Variants in SERPING1 observed in about 807,000 individuals in gnomAD.
The protein encoded by SERPING1 is serpin family G member 1.
SERPING1 carries 5 observed loss-of-function variants against 34.1 expected under a neutral mutation model. The observed-to-expected ratio is 0.15, with a 90% CI of 0.08 to 0.31. The LOEUF is 0.31. SERPING1 is among the 10% of genes least tolerant of loss of function. SERPING1 has a pLI of 1.00. For missense variants in SERPING1, 505 were observed against 609.5 expected, an observed-to-expected ratio of 0.83 and a Z score of 1.81; for synonymous variants, 225 against 242.4, an observed-to-expected ratio of 0.93 and a Z score of 0.67.
chr11:57,599,850 A>T, intron 2 of SERPING1, 29 bp from the exon 3 acceptor site: 1 of 1,614,176 alleles, frequency 6.2e-7, no homozygotes, highest in Middle Eastern at 1.6e-4. Flanking sequence ...TAGTAAGAAA[A>T]AAATGAAACT....
chr11:57,599,448 G>C (rs1323651218), intron 2 of SERPING1, among the ~76,000 whole-genome samples: 1 of 152,048 alleles, frequency 6.6e-6, no homozygotes, highest in Non-Finnish European at 1.5e-5. Context: ...GCAACCCACA[G>C]TTTAAAAATT....
rs1427729690 is a variant in SERPING1 at position 57,598,325 on chromosome 11, T to C, written c.51+4T>C. The C allele has an allele frequency of 1.9e-6, 3 of 1,558,402 alleles. No individual in the cohort carries two copies. The highest frequency in any genetic ancestry group is 1.9e-5 in the Admixed American group (1 of 52,504). On this transcript the variant is annotated splice_donor_region_variant and intron_variant, in intron 2 of 7. Coordinates refer to ENST00000278407, the MANE Select transcript of SERPING1 (RefSeq NM_000062.3). ...CCTGCTGCTGCTGCTGGCTGGGGTA[T>C]GTGGTCCCTTGTGGGATGGGGGACG...
At chr11:57,608,520 G>A (rs1194710011) in intron 6 of SERPING1, among the ~76,000 whole-genome samples, 1 of 152,034 alleles carries the variant, frequency 6.6e-6, no homozygotes, top group African/African-American at 2.4e-5. Context: ...TTGTTTGTTT[G>A]TTTTTCTTTT....
intron 7 of SERPING1, among the ~76,000 whole-genome samples, chr11:57,612,792 T>G (rs971420118): frequency 6.6e-6 from 1 of 152,050 alleles, no homozygotes; most frequent in African/African-American, 2.4e-5. Flanking sequence ...TCACCCAGGC[T>G]GGAGCGCAGT....
rs11229070 is a variant in SERPING1, at chr11:57,611,905, C to T, written c.1218C>T (p.Ser406=). The part of the protein sequence containing the change: ...LTLPRIKVTT[S]QDMLSIMEKL... ...TACCCCGCATCAAAGTGACGACCAG[C>T]CAGGATATGCTCTCAATCATGGAGA... Residue 406 remains serine (S), a synonymous_variant, in exon 7 of 8, where the codon AGC becomes AGT. Transcript: ENST00000278407. 2.3e-3 allele frequency: 3,679 copies of T among 1,614,110 alleles called. 62 individuals are homozygous for T. In the African/African-American group the frequency reaches 0.043, roughly 19 times the overall value.
chr11:57,609,005 G>T (rs920812378), intron 6 of SERPING1, among the ~76,000 whole-genome samples: 1 of 152,046 alleles, frequency 6.6e-6, no homozygotes, highest in African/African-American at 2.4e-5. Flanking sequence ...TTGGCTGGGC[G>T]CAGTGGCTCA....
chr11:57,604,481 CA>C (rs1258910343), intron 4 of SERPING1, among the ~76,000 whole-genome samples: 2 of 151,828 alleles, frequency 1.3e-5, no homozygotes, highest in Admixed American at 6.6e-5. Flanking sequence ...GGGAAGGGTT[CA>C]CCACTTCCTG....
Position 57,600,084 on chromosome 11 carries a change from C to T in SERPING1, c.257C>T (p.Pro86Leu), listed in dbSNP as rs1222637066. ...ATAACAGCTAATACCACTGATGAACCCACCACACAACCCACCACAGAGCCC... is the reference window on the plus strand; with the variant it reads ...ATAACAGCTAATACCACTGATGAACTCACCACACAACCCACCACAGAGCCC... ...TKITANTTDE[P>L]TTQPTTEPTT... Residue 86 changes from proline (P) to leucine (L), a missense_variant, in exon 3 of 8, where the codon CCC (proline) becomes CTC (leucine). Physicochemically the swap from Pro to Leu is moderately conservative, Grantham distance 98. Transcript: ENST00000278407. 6.2e-7 allele frequency: 1 copy of T among 1,613,588 alleles called. No homozygotes were observed. The highest frequency in any genetic ancestry group is 2.2e-5 in the East Asian group (1 of 44,858).
In SERPING1 at chr11:57,614,350, C is replaced by T; in HGVS notation, c.1272C>T (p.Asp424=). 6.2e-7 allele frequency: 1 copy of T among 1,613,984 alleles called. No homozygotes were observed. The highest frequency in any genetic ancestry group is 8.5e-7 in the Non-Finnish European group (1 of 1,180,036). The change falls in exon 8 of 8, where the codon GAC becomes GAT. Residue 424 remains aspartate (D), a synonymous_variant. Transcript: ENST00000278407. ...TAGAATTCTTCGATTTTTCTTATGACCTTAACCTGTGTGGGCTGACAGAGG... is the reference window on the plus strand; with the variant it reads ...TAGAATTCTTCGATTTTTCTTATGATCTTAACCTGTGTGGGCTGACAGAGG... ...EKLEFFDFSY[D]LNLCGLTEDP...
rs368209658 is a variant in SERPING1 at position 57,600,090 on chromosome 11, C to G, written c.263C>G (p.Thr88Arg). 1 of 1,613,602 alleles carries G rather than the reference C, an allele frequency of 6.2e-7. No homozygotes were observed. Among genetic ancestry groups the G allele is most frequent in the African/African-American group, 1.3e-5 (1 of 74,898 alleles). Residue 88 changes from threonine to arginine, a missense_variant, in exon 3 of 8, where the codon ACA becomes AGA. By Grantham distance (71) the Thr-to-Arg change is moderately conservative. Transcript: ENST00000278407. ...GCTAATACCACTGATGAACCCACCACACAACCCACCACAGAGCCCACCACC... is the reference window on the plus strand; with the variant it reads ...GCTAATACCACTGATGAACCCACCAGACAACCCACCACAGAGCCCACCACC... ...ITANTTDEPT[T>R]QPTTEPTTQP...
chr11:57,607,683 A>G (rs1355726420), intron 6 of SERPING1, among the ~76,000 whole-genome samples: 1 of 152,150 alleles, frequency 6.6e-6, no homozygotes, highest in Non-Finnish European at 1.5e-5. Flanking sequence ...TTTTCGAGAC[A>G]GGGTCTCACT....
At chr11:57,606,857 ACT>A in intron 6 of SERPING1, 1 of 608,746 alleles carries the variant, frequency 1.6e-6, no homozygotes. Flanking sequence ...TCATCAGAAG[ACT>A]CTGGTGGCTT....
chr11:57,598,143 T>C (rs1945307871), intron 1 of SERPING1, 106 bp from the exon 2 acceptor site: 1 of 811,332 alleles, frequency 1.2e-6, no homozygotes, highest in Non-Finnish European at 1.9e-6. Flanking sequence ...GGGAATTCGC[T>C]AAGAGGGACT....
intron 6 of SERPING1, among the ~76,000 whole-genome samples, chr11:57,610,865 C>T (rs1945469662): frequency 6.6e-6 from 1 of 152,184 alleles, no homozygotes; most frequent in African/African-American, 2.4e-5. Flanking sequence ...GTTGACAACC[C>T]CTGTATTAAA....
At chr11:57,611,646 T>C (rs1945476983) in intron 6 of SERPING1, 71 bp from the exon 7 acceptor site, 5 of 1,379,146 alleles carry the variant, frequency 3.6e-6, no homozygotes, top group Non-Finnish European at 5.2e-6. Context: ...CAGGACAGCA[T>C]TGTGACAGAG....
At chr11:57,614,215 A>G (rs772857710) in intron 7 of SERPING1, 113 bp from the exon 8 acceptor site, 26 of 1,351,568 alleles carry the variant, frequency 1.9e-5, no homozygotes, top group Non-Finnish European at 2.5e-5. Flanking sequence ...ACAAGGGAAG[A>G]GGAAGAGAGC....
Position 57,614,700 on chromosome 11 carries a change from C to A in SERPING1, c.*119C>A. On this transcript the variant is annotated 3_prime_UTR_variant, in exon 8 of 8. Coordinates refer to ENST00000278407, the MANE Select transcript of SERPING1 (RefSeq NM_000062.3). ...ACCTCCTGCCTCAGGTGTCCGCTAT[C>A]CACCAAAAGGGCTCCCTGAGGGTCT... The A allele has an allele frequency of 8.1e-7, 1 of 1,227,964 alleles. No individual in the cohort carries two copies. Among genetic ancestry groups the A allele is most frequent in the Non-Finnish European group, 1.1e-6 (1 of 882,300 alleles). 76.1% of individuals were successfully genotyped at this position (1,227,964 alleles called of 1,614,324 possible).
intron 6 of SERPING1, 23 bp downstream of exon 6, chr11:57,606,570 T>C (rs1945412664): frequency 6.2e-7 from 1 of 1,613,554 alleles, no homozygotes; most frequent in African/African-American, 1.3e-5. Context: ...CCTTTCCTTC[T>C]CCTGTTTGAA....
chr11:57,612,802 T>C (rs1465234437), intron 7 of SERPING1, among the ~76,000 whole-genome samples: 1 of 152,046 alleles, frequency 6.6e-6, no homozygotes, highest in Non-Finnish European at 1.5e-5. Flanking sequence ...TGGAGCGCAG[T>C]GGCATGATCT....
Sources: gnomAD v4.1 joint callset for allele counts (sites outside exome capture counted in the v4.1 genomes callset) on GRCh38, gnomAD v4.1.1 for gene constraint, MANE v1.5 for transcripts, NCBI Gene and HGNC (gene_info 2026-07-23, HGNC 2026-07-21) for gene names.